Variants in POR observed in about 807,000 individuals in gnomAD.
POR encodes cytochrome p450 oxidoreductase.
A neutral mutation model predicts 84.0 loss-of-function variants in POR; 56 were observed. The observed-to-expected ratio is 0.67, with a 90% CI of 0.54 to 0.83. POR has a LOEUF of 0.83. Ranked by LOEUF, POR falls within the 40% of genes least tolerant of loss-of-function variation. The pLI is 0.00. For synonymous variants in POR, 414 were observed against 400.5 expected, an observed-to-expected ratio of 1.03 and a Z score of -0.40; for missense variants, 938 against 944.3, an observed-to-expected ratio of 0.99 and a Z score of 0.09.
At chr7:75,922,603 C>T (rs1415721604) in intron 1 of POR, among the ~76,000 whole-genome samples, 3 of 152,146 alleles carry the variant, frequency 2.0e-5, no homozygotes, top group Non-Finnish European at 2.9e-5. Flanking sequence ...GGATTACAGG[C>T]GTGAGCCACT....
intron 2 of POR, among the ~76,000 whole-genome samples, chr7:75,965,322 A>G (rs1177841071): frequency 6.6e-6 from 1 of 152,180 alleles, no homozygotes; most frequent in Non-Finnish European, 1.5e-5. Flanking sequence ...TGGGACCCTC[A>G]TCACCCACCA....
rs1554559058 is a variant in POR, at chr7:75,985,605, T to C, written c.1425T>C (p.Cys475=). 6.3e-7 allele frequency: 1 copy of C among 1,577,698 alleles called. No individual in the cohort carries two copies. Among genetic ancestry groups the C allele is most frequent in the South Asian group, 1.2e-5 (1 of 85,044 alleles). ...TCCACCCCAACTCTGTGCACATCTGTGCGGTGGTTGTGGAGTACGAGACCA... is the reference window on the plus strand; with the variant it reads ...TCCACCCCAACTCTGTGCACATCTGCGCGGTGGTTGTGGAGTACGAGACCA... Residue 475 remains cysteine (C), a synonymous_variant, in exon 13 of 16, where the codon TGT becomes TGC. Transcript: ENST00000461988.
At chr7:75,956,938 C>T (rs1787712157) in intron 2 of POR, among the ~76,000 whole-genome samples, 2 of 152,312 alleles carry the variant, frequency 1.3e-5, no homozygotes, top group South Asian at 4.1e-4. Flanking sequence ...GTTGGCCAGG[C>T]TGGTCTCAAA....
chr7:75,916,948 A>G lies in POR; in HGVS notation c.-5+1769A>G, dbSNP rs183111578. Among the ~76,000 whole-genome samples the G allele has an allele frequency of 7.9e-5, 12 of 152,314 alleles. No individual in the cohort carries two copies. In the East Asian group the frequency reaches 2.1e-3, roughly 27 times the overall value. On this transcript the variant is annotated intron_variant, in intron 1 of 15. Coordinates refer to ENST00000461988, the MANE Select transcript of POR (RefSeq NM_000941.3). ...CCCCTTGAAAATCAGAATCTGTGTTAGGTAAGTCTGTGTATGATTAGGAGA... is the reference window on the plus strand; with the variant it reads ...CCCCTTGAAAATCAGAATCTGTGTTGGGTAAGTCTGTGTATGATTAGGAGA...
chr7:75,925,319 G>A (rs545609969), intron 1 of POR, among the ~76,000 whole-genome samples: 1 of 152,068 alleles, frequency 6.6e-6, no homozygotes, highest in East Asian at 1.9e-4. Flanking sequence ...ACCAGCCTGG[G>A]CAAGAGAGAG....
intron 1 of POR, 91 bp from the exon 2 acceptor site, chr7:75,953,898 G>A (rs1787563427): frequency 1.9e-6 from 2 of 1,039,214 alleles, no homozygotes; most frequent in Non-Finnish European, 2.8e-6. Context: ...AGCCCCAGGG[G>A]CAAGGCCCAG....
intron 1 of POR, among the ~76,000 whole-genome samples, chr7:75,931,187 A>G (rs1554550099): frequency 6.6e-6 from 1 of 152,130 alleles, no homozygotes; most frequent in Non-Finnish European, 1.5e-5. Context: ...CATTGAATGG[A>G]TAAACAAAAT....
intron 1 of POR, among the ~76,000 whole-genome samples, chr7:75,943,189 G>C (rs1460181441): frequency 6.6e-6 from 1 of 152,110 alleles, no homozygotes; most frequent in Non-Finnish European, 1.5e-5. Flanking sequence ...CTCACCTTGT[G>C]ATCCGCCTGC....
intron 1 of POR, among the ~76,000 whole-genome samples, chr7:75,934,124 T>A (rs1483049191): frequency 2.7e-4 from 3 of 11,160 alleles, no homozygotes; most frequent in South Asian, 2.8e-3. Flanking sequence ...GACCTCAGAG[T>A]GTGTGTGTGT....
intron 2 of POR, among the ~76,000 whole-genome samples, chr7:75,958,005 A>AG (rs1428457048): frequency 1.3e-5 from 2 of 152,194 alleles, no homozygotes; most frequent in Non-Finnish European, 2.9e-5. Context: ...TGTAAGCTGG[A>AG]GGTAGTAGTA....
intron 1 of POR, among the ~76,000 whole-genome samples, chr7:75,942,369 T>C (rs544249557): frequency 1.2e-4 from 19 of 152,356 alleles, no homozygotes; most frequent in African/African-American, 4.6e-4. Context: ...AAAATATCTT[T>C]TCACACAAAT....
intron 1 of POR, among the ~76,000 whole-genome samples, chr7:75,923,888 CA>C (rs563267608): frequency 2.9e-3 from 289 of 101,006 alleles, no homozygotes; most frequent in Middle Eastern, 5.2e-3. Flanking sequence ...AACTCCATCT[CA>C]AAAAAAAAAA....
chr7:75,982,063 C>A, intron 7 of POR, 161 bp from the exon 8 acceptor site: 1 of 643,400 alleles, frequency 1.6e-6, no homozygotes, highest in Non-Finnish European at 2.8e-6. Context: ...CCCTCGCCTG[C>A]CCTCCTTGTG....
Position 75,936,769 on chromosome 7 carries a change from A to G in POR, c.-4-17220A>G, listed in dbSNP as rs185077746. 6.2e-3 allele frequency among the ~76,000 whole-genome samples: 944 copies of G among 151,830 alleles called. 8 individuals are homozygous for G. The highest frequency in any genetic ancestry group is 0.023 in the Admixed American group (343 of 15,228). The stretch of plus-strand genomic sequence containing the variant: ...AGCCGACTTCAGAACTGATCTGCCC[A>G]GATTTGAGAAAAGTAAAGCAAGACC... On this transcript the variant is annotated intron_variant, in intron 1 of 15. Coordinates refer to ENST00000461988, the MANE Select transcript of POR (RefSeq NM_000941.3).
At chr7:75,929,620 G>A (rs781808689) in intron 1 of POR, among the ~76,000 whole-genome samples, 10 of 152,140 alleles carry the variant, frequency 6.6e-5, no homozygotes, top group African/African-American at 9.7e-5. Flanking sequence ...CGCAAGCAAC[G>A]CTGGGGAAGG....
chr7:75,981,217 C>T (rs1554557797), intron 6 of POR, 45 bp downstream of exon 6: 1 of 1,491,344 alleles, frequency 6.7e-7, no homozygotes, highest in Admixed American at 2.2e-5. Flanking sequence ...CGGGCTTAGG[C>T]AGGGGCCGTG....
chr7:75,922,463 A>G (rs1313207847), intron 1 of POR, among the ~76,000 whole-genome samples: 3 of 151,726 alleles, frequency 2.0e-5, no homozygotes, highest in Non-Finnish European at 4.4e-5. Context: ...AGCTGGAATT[A>G]TAGGTGTGTG....
intron 1 of POR, among the ~76,000 whole-genome samples, chr7:75,936,567 A>T (rs79136901): frequency 6.6e-6 from 1 of 151,938 alleles, no homozygotes; most frequent in Non-Finnish European, 1.5e-5. Context: ...GGCCCATCCT[A>T]TTCTCATTTC....
intron 5 of POR, chr7:75,980,701 C>A (rs1462697847): frequency 6.5e-7 from 1 of 1,527,110 alleles, no homozygotes; most frequent in African/African-American, 1.4e-5. Context: ...CTCCAGGGGG[C>A]ATTGGGTGCT....
Sources: allele counts gnomAD v4.1 joint callset (sites outside exome capture counted in the v4.1 genomes callset), GRCh38; gene constraint gnomAD v4.1.1; transcripts MANE v1.5; gene names NCBI Gene and HGNC (gene_info 2026-07-23, HGNC 2026-07-21).